The following DISP1 variants were observed in gnomAD, a reference collection of about 807,000 sequenced individuals.
The protein encoded by DISP1 is protein dispatched homolog 1.
DISP1 carries 30 observed loss-of-function variants against 37.3 expected under a neutral mutation model. The ratio of observed to expected loss-of-function variants is 0.80; its 90% CI spans 0.60 to 1.09. The LOEUF is 1.09. Ranked by LOEUF, DISP1 falls within the 50% of genes least tolerant of loss-of-function variation. DISP1 has a pLI of 0.00. For missense variants in DISP1, 1,598 were observed against 1,879.5 expected (o/e 0.85, Z 2.77); for synonymous variants, 634 against 690.2 (o/e 0.92, Z 1.28).
chr1:222,974,456 CT>C (rs1161285228), intron 3 of DISP1, among the ~76,000 whole-genome samples: 2 of 152,102 alleles, frequency 1.3e-5, no homozygotes, highest in Admixed American at 6.5e-5. Context: ...TGCTACATTT[CT>C]TTTTTGAACA....
chr1:223,003,409 A>G lies in DISP1; in HGVS notation c.2012A>G (p.Lys671Arg). The change falls in exon 9 of 9, where the codon AAA becomes AGA. Residue 671 changes from lysine (K) to arginine (R), a missense_variant. Coordinates refer to ENST00000675850, the MANE Select transcript of DISP1 (RefSeq NM_001377229.1). This position sits in a 1 kb window ranked among gnomAD's most constrained non-coding sequence, Gnocchi z 4.3. ...CTTCTTAATATATTCACTTGCTTCA[A>G]AAAGCCCCAGCAGCAAATATATGAT... ...RYLLNIFTCFKKPQQQIYDNK... is the reference protein window; with the variant it reads ...RYLLNIFTCFRKPQQQIYDNK... The G allele has an allele frequency of 6.2e-7, 1 of 1,614,168 alleles. No individual in the cohort carries two copies. Among genetic ancestry groups the G allele is most frequent in the Non-Finnish European group, 8.5e-7 (1 of 1,180,052 alleles).
At chr1:222,938,396 C>A (rs773000966) in intron 2 of DISP1, among the ~76,000 whole-genome samples, 1 of 151,922 alleles carries the variant, frequency 6.6e-6, no homozygotes, top group Non-Finnish European at 1.5e-5. Flanking sequence ...TAGTTCCCTC[C>A]GTCTTAGGCT....
At chr1:222,982,592 A>G (rs1248772915) in intron 3 of DISP1, among the ~76,000 whole-genome samples, 1 of 152,240 alleles carries the variant, frequency 6.6e-6, no homozygotes, top group East Asian at 1.9e-4. Context: ...GAAGTTAGAT[A>G]TTAAGAAACT....
chr1:222,832,813 T>TATTAG, intron 1 of DISP1, among the ~76,000 whole-genome samples: 2 of 151,262 alleles, frequency 1.3e-5, no homozygotes, highest in African/African-American at 4.9e-5. Flanking sequence ...TGAGACTCAC[T>TATTAG]TGAACCCGGG....
rs1660807694 is a variant in DISP1, at chr1:222,815,085, T to G, written c.-159+7T>G. ...CCGAGAGCCCGGACTGGAGGTGAGT[T>G]CGCAGCCGGAACGTTGCAGGCACTT... On this transcript the variant is annotated splice_region_variant and intron_variant, in intron 1 of 8. Transcript: ENST00000675850. The G allele has an allele frequency of 6.6e-6, 1 of 152,166 alleles. No individual in the cohort carries two copies. 9.4% of individuals were successfully genotyped at this position (152,166 alleles called of 1,614,324 possible).
At position 222,930,498 on chromosome 1, in the gene DISP1, A is replaced by G. The variant is rs190655123; in HGVS notation, c.-18+1928A>G. On this transcript the variant is annotated intron_variant, in intron 2 of 8. Coordinates refer to ENST00000675850, the MANE Select transcript of DISP1 (RefSeq NM_001377229.1). ...TTTTGTTCTCTCCATCTTAATTTCTATTCTCTTATTTTAATCAGTATTAAA... is the reference window on the plus strand; with the variant it reads ...TTTTGTTCTCTCCATCTTAATTTCTGTTCTCTTATTTTAATCAGTATTAAA... 4.0e-3 allele frequency among the ~76,000 whole-genome samples: 605 copies of G among 152,208 alleles called. 6 individuals are homozygous for G. Among genetic ancestry groups the G allele is most frequent in the African/African-American group, 0.014 (588 of 41,554 alleles).
At chr1:222,927,838 A>G (rs1433019904) in intron 1 of DISP1, among the ~76,000 whole-genome samples, 1 of 152,230 alleles carries the variant, frequency 6.6e-6, no homozygotes, top group Admixed American at 6.5e-5. Flanking sequence ...TGTCAAATTT[A>G]TTTAACAAAC....
chr1:222,824,115 C>A, intron 1 of DISP1, among the ~76,000 whole-genome samples: 1 of 152,118 alleles, frequency 6.6e-6, no homozygotes. Flanking sequence ...TATTAAGTTA[C>A]ATATTAATTT....
chr1:222,900,836 G>A (rs1671536837), intron 1 of DISP1, among the ~76,000 whole-genome samples: 1 of 152,184 alleles, frequency 6.6e-6, no homozygotes, highest in Non-Finnish European at 1.5e-5. Flanking sequence ...CTAAAGTTAG[G>A]TACTTTGTAG....
At chr1:222,851,960 G>A (rs1314344009) in intron 1 of DISP1, among the ~76,000 whole-genome samples, 3 of 152,024 alleles carry the variant, frequency 2.0e-5, no homozygotes, top group Non-Finnish European at 4.4e-5. Context: ...TGAGGCGGGC[G>A]AATCACCTGA....
At chr1:222,963,916 C>T (rs1476043138) in intron 3 of DISP1, among the ~76,000 whole-genome samples, 1 of 151,908 alleles carries the variant, frequency 6.6e-6, no homozygotes, top group African/African-American at 2.4e-5. Flanking sequence ...AAAAATAAAG[C>T]GTTATAAAAC....
At chr1:222,918,272 C>T (rs975444523) in intron 1 of DISP1, among the ~76,000 whole-genome samples, 4 of 152,128 alleles carry the variant, frequency 2.6e-5, no homozygotes, top group African/African-American at 4.8e-5. Context: ...GAACTGGTTA[C>T]GTTAATTGGA....
chr1:222,817,204 A>G (rs1373383849), intron 1 of DISP1, among the ~76,000 whole-genome samples: 2 of 152,192 alleles, frequency 1.3e-5, no homozygotes, highest in African/African-American at 4.8e-5. Flanking sequence ...ATTTAGATGT[A>G]TTTTACAGTT....
intron 1 of DISP1, among the ~76,000 whole-genome samples, chr1:222,867,550 A>G (rs1669265746): frequency 6.6e-6 from 1 of 152,184 alleles, no homozygotes; most frequent in African/African-American, 2.4e-5. Flanking sequence ...GGGCTGTCAT[A>G]AAGTCTGCAT....
At chr1:222,855,041 C>T (rs575494293) in intron 1 of DISP1, among the ~76,000 whole-genome samples, 1 of 152,140 alleles carries the variant, frequency 6.6e-6, no homozygotes, top group Non-Finnish European at 1.5e-5. Flanking sequence ...CTTATCCCCA[C>T]ATCCTTTAAC....
At chr1:222,939,500 C>T (rs1402411258) in intron 2 of DISP1, among the ~76,000 whole-genome samples, 4 of 151,316 alleles carry the variant, frequency 2.6e-5, no homozygotes, top group African/African-American at 9.7e-5. Context: ...TGTCTGAAGC[C>T]CAATGTATTC....
chr1:222,939,588 G>A (rs1292789159), intron 2 of DISP1, among the ~76,000 whole-genome samples: 2 of 151,734 alleles, frequency 1.3e-5, no homozygotes, highest in Non-Finnish European at 2.9e-5. Context: ...CAGCACTTTG[G>A]GAGGTCGAGG....
chr1:222,969,531 G>A lies in DISP1; in HGVS notation c.510-13549G>A, dbSNP rs951861338. On this transcript the variant is annotated intron_variant, in intron 3 of 8. Transcript: ENST00000675850. ...ATTCAAGATTCTTACAAATAAATGA[G>A]AAACAAGTTGCAATCTAACGTAACG... Among the ~76,000 whole-genome samples the A allele has an allele frequency of 2.6e-5, 4 of 151,872 alleles. No individual in the cohort carries two copies. The South Asian group carries it at 8.3e-4, about 32-fold the overall frequency.
intron 8 of DISP1, among the ~76,000 whole-genome samples, chr1:223,000,635 A>G (rs1679369444): frequency 6.6e-6 from 1 of 152,188 alleles, no homozygotes; most frequent in Non-Finnish European, 1.5e-5. Flanking sequence ...GACTGTCGAA[A>G]TAGGACACCC....
Sources: gnomAD v4.1 joint callset for allele counts (sites outside exome capture counted in the v4.1 genomes callset) on GRCh38, gnomAD v4.1.1 for gene constraint, Gnocchi (gnomAD v3.1) non-coding constraint, MANE v1.5 for transcripts, NCBI Gene and HGNC (gene_info 2026-07-23, HGNC 2026-07-21) for gene names.